CDKAL1: variants seen among roughly 807,000 people sequenced by gnomAD.
CDKAL1 encodes threonylcarbamoyladenosine tRNA methylthiotransferase.
Under a neutral mutation model 68.2 loss-of-function variants are expected in CDKAL1, and 32 were observed. The observed-to-expected ratio is 0.47, with a 90% CI of 0.35 to 0.63. The LOEUF (loss-of-function observed/expected upper bound fraction) is 0.63, where lower values mean the gene tolerates loss of function less well. CDKAL1 is among the 30% of genes least tolerant of loss of function. CDKAL1 has a pLI of 0.00. For missense variants in CDKAL1, 606 were observed against 696.7 expected, an observed-to-expected ratio of 0.87 and a Z score of 1.47; for synonymous variants, 234 against 244.3, an observed-to-expected ratio of 0.96 and a Z score of 0.39.
chr6:20,709,980 G>A (rs1415916582), intron 5 of CDKAL1, among the ~76,000 whole-genome samples: 1 of 152,110 alleles, frequency 6.6e-6, no homozygotes, highest in Non-Finnish European at 1.5e-5. Flanking sequence ...AGTAATCATC[G>A]AGAGTGAAAT....
intron 12 of CDKAL1, among the ~76,000 whole-genome samples, chr6:21,067,035 A>G (rs1412925196): frequency 6.6e-6 from 1 of 152,086 alleles, no homozygotes; most frequent in Non-Finnish European, 1.5e-5. Flanking sequence ...CTTTTTTTAA[A>G]CTTTACTTCT....
intron 11 of CDKAL1, among the ~76,000 whole-genome samples, chr6:21,032,189 C>G (rs111882339): frequency 6.6e-6 from 1 of 152,006 alleles, no homozygotes; most frequent in African/African-American, 2.4e-5. Context: ...TTTAGTTTCT[C>G]TATATGTTGG....
chr6:20,926,329 A>G (rs1168716574), intron 9 of CDKAL1, among the ~76,000 whole-genome samples: 1 of 152,134 alleles, frequency 6.6e-6, no homozygotes, highest in African/African-American at 2.4e-5. Flanking sequence ...TGTAAGAGTT[A>G]ACATTACTTT....
intron 5 of CDKAL1, among the ~76,000 whole-genome samples, chr6:20,678,308 C>G (rs1721939771): frequency 6.6e-6 from 1 of 152,016 alleles, no homozygotes; most frequent in African/African-American, 2.4e-5. Context: ...AACAAAAGTG[C>G]TTTTCTTTTC....
At chr6:20,732,230 C>CCTTTT (rs1263937128) in intron 5 of CDKAL1, among the ~76,000 whole-genome samples, 2 of 145,312 alleles carry the variant, frequency 1.4e-5, no homozygotes, top group Non-Finnish European at 3.0e-5. Context: ...ATCTCCTTTT[C>CCTTTT]CTTTTCTTTT....
chr6:21,123,422 C>T (rs896918755), intron 13 of CDKAL1, among the ~76,000 whole-genome samples: 6 of 152,160 alleles, frequency 3.9e-5, no homozygotes, highest in African/African-American at 1.4e-4. Flanking sequence ...CAGCACTGCA[C>T]TCCAGCCTGG....
At chr6:20,687,935 T>C (rs1019103680) in intron 5 of CDKAL1, among the ~76,000 whole-genome samples, 20 of 152,192 alleles carry the variant, frequency 1.3e-4, no homozygotes, top group African/African-American at 4.8e-4. Context: ...TCTCTCAATT[T>C]TTGTTTGTTT....
chr6:21,092,805 T>C (rs1196730097), intron 12 of CDKAL1, among the ~76,000 whole-genome samples: 1 of 149,840 alleles, frequency 6.7e-6, no homozygotes. Context: ...TGAAATAAGA[T>C]TGAGACATCA....
At chr6:20,802,114 A>G (rs1302439038) in intron 8 of CDKAL1, among the ~76,000 whole-genome samples, 6 of 152,150 alleles carry the variant, frequency 3.9e-5, no homozygotes, top group South Asian at 4.2e-4. Flanking sequence ...CCTGGCCAAC[A>G]TGGTGAAACC....
chr6:20,916,328 C>T (rs1181459292), intron 9 of CDKAL1, among the ~76,000 whole-genome samples: 2 of 152,154 alleles, frequency 1.3e-5, no homozygotes, highest in Non-Finnish European at 2.9e-5. Context: ...TGCAAGAAAA[C>T]TTCCTATTTT....
chr6:21,195,847 GGGACACAAATAGGATGACTCCTCAGTTGA>G (rs1455701715), intron 13 of CDKAL1, among the ~76,000 whole-genome samples: 2 of 151,990 alleles, frequency 1.3e-5, no homozygotes, highest in African/African-American at 4.8e-5. Context: ...AATGAGACTG[GGGACACAAATAGGATGACTCCTCAGTTGA>G]GGACACAAAT....
At chr6:21,063,175 AG>A (rs1304026974) in intron 11 of CDKAL1, among the ~76,000 whole-genome samples, 1 of 152,208 alleles carries the variant, frequency 6.6e-6, no homozygotes, top group Non-Finnish European at 1.5e-5. Flanking sequence ...TTGGCCTCCC[AG>A]AGTGCTGGGA....
chr6:20,875,817 A>G (rs1760485072), intron 9 of CDKAL1, among the ~76,000 whole-genome samples: 1 of 152,214 alleles, frequency 6.6e-6, no homozygotes, highest in African/African-American at 2.4e-5. Flanking sequence ...TCTATTTGAA[A>G]CATTTTGGTA....
intron 9 of CDKAL1, among the ~76,000 whole-genome samples, chr6:20,890,395 G>A (rs1399520302): frequency 6.6e-6 from 1 of 152,158 alleles, no homozygotes; most frequent in African/African-American, 2.4e-5. Flanking sequence ...CACCCGGATT[G>A]GAACACTGTA....
chr6:21,052,185 A>C (rs7775602), intron 11 of CDKAL1, among the ~76,000 whole-genome samples: 75,284 of 152,018 alleles, frequency 0.5, 18,948 homozygotes, highest in African/African-American at 0.57. Flanking sequence ...ATTGTTTCTT[A>C]CTAAATTTTC....
chr6:21,030,206 T>C (rs1380391461), intron 11 of CDKAL1, among the ~76,000 whole-genome samples: 3 of 152,158 alleles, frequency 2.0e-5, no homozygotes, highest in Non-Finnish European at 2.9e-5. Context: ...GAAGCCATCA[T>C]CCTCAGCAAA....
chr6:20,996,542 A>G (rs1469225219), intron 10 of CDKAL1, among the ~76,000 whole-genome samples: 1 of 152,242 alleles, frequency 6.6e-6, no homozygotes, highest in African/African-American at 2.4e-5. Context: ...CAGTTGGAAG[A>G]GCAGTCAGAA....
chr6:21,017,931 CACTTTTAGGT>C (rs1471831769), intron 11 of CDKAL1, among the ~76,000 whole-genome samples: 1 of 152,104 alleles, frequency 6.6e-6, no homozygotes, highest in East Asian at 1.9e-4. Context: ...AGGTTACCAA[CACTTTTAGGT>C]CATGTTACCA....
At chr6:20,707,195 C>T (rs939088848) in intron 5 of CDKAL1, among the ~76,000 whole-genome samples, 1 of 152,136 alleles carries the variant, frequency 6.6e-6, no homozygotes, top group African/African-American at 2.4e-5. Flanking sequence ...AGTGGATAGC[C>T]ACCTGCTAGG....
Sources: allele counts gnomAD v4.1 joint callset (sites outside exome capture counted in the v4.1 genomes callset), GRCh38; gene constraint gnomAD v4.1.1; transcripts MANE v1.5; gene names NCBI Gene and HGNC (gene_info 2026-07-23, HGNC 2026-07-21).